ZBTB34: variants seen among roughly 807,000 people sequenced by gnomAD.
ZBTB34 encodes the protein zinc finger and BTB domain-containing protein 34.
In ZBTB34, 1 loss-of-function variant was observed where a neutral mutation model predicts 33.4. The ratio of observed to expected loss-of-function variants is 0.03; its 90% CI spans 0.01 to 0.14. The LOEUF is 0.14. Among genes scored for constraint, ZBTB34 ranks in the 10% least tolerant of loss-of-function variants. The pLI is 1.00. For missense variants in ZBTB34, 406 were observed against 657.2 expected (o/e 0.62, Z 4.18); for synonymous variants, 283 against 253.5 (o/e 1.12, Z -1.11).
intron 1 of ZBTB34, among the ~76,000 whole-genome samples, chr9:126,876,206 T>C (rs1188632389): frequency 0.023 from 14 of 622 alleles, no homozygotes; most frequent in South Asian, 0.17. Context: ...TTTCCCCCCC[T>C]TTCCCCCTTC....
At chr9:126,877,729 G>A (rs1473213715) in intron 1 of ZBTB34, among the ~76,000 whole-genome samples, 1 of 152,214 alleles carries the variant, frequency 6.6e-6, no homozygotes, top group African/African-American at 2.4e-5. Context: ...TCTTGGCAGA[G>A]CGCGGTGGCT....
intron 1 of ZBTB34, among the ~76,000 whole-genome samples, chr9:126,878,957 C>G (rs2033399220): frequency 6.6e-6 from 1 of 152,118 alleles, no homozygotes; most frequent in South Asian, 2.1e-4. Context: ...CTCCTGACCT[C>G]AAGTGATCCG....
chr9:126,877,373 C>T (rs1045534570), intron 1 of ZBTB34, among the ~76,000 whole-genome samples: 10 of 152,314 alleles, frequency 6.6e-5, no homozygotes, highest in Middle Eastern at 3.4e-3. Context: ...GAGTAAACTT[C>T]ACTCCTAAAC....
rs759407100 is a variant in ZBTB34 at position 126,880,250 on chromosome 9, A to G, written c.851A>G (p.Gln284Arg). The G allele has an allele frequency of 2.5e-6, 4 of 1,613,896 alleles. No homozygotes were observed. Among genetic ancestry groups the G allele is most frequent in the East Asian group, 4.5e-5 (2 of 44,868 alleles). ...GTGGGCTCCTATGGTTCTGTGCTCC[A>G]GCACGCATACTCCTATTCCCAAGCA... Residue 284 changes from glutamine (Q) to arginine (R), a missense_variant, in exon 2 of 2, where the codon CAG (glutamine) becomes CGG (arginine). Gln to Arg is a conservative substitution (Grantham distance 43, BLOSUM62 1). Transcript: ENST00000319119. This position sits in a 1 kb window ranked among gnomAD's most constrained non-coding sequence, Gnocchi z 6.7.
chr9:126,869,157 A>G (rs181011285), intron 1 of ZBTB34, among the ~76,000 whole-genome samples: 2 of 151,392 alleles, frequency 1.3e-5, no homozygotes, highest in African/African-American at 4.8e-5. Context: ...GCCCTTCTCT[A>G]TTCTGGGCAG....
At chr9:126,863,602 G>C in intron 1 of ZBTB34, 1 of 672,064 alleles carries the variant, frequency 1.5e-6, no homozygotes, top group East Asian at 1.3e-4. Flanking sequence ...CTGACAAACT[G>C]CTGAATTTAG....
At chr9:126,872,140 G>T (rs1251596863) in intron 1 of ZBTB34, among the ~76,000 whole-genome samples, 2 of 151,978 alleles carry the variant, frequency 1.3e-5, no homozygotes, top group East Asian at 3.9e-4. Flanking sequence ...CAGTAGAGAC[G>T]GGGTTTTGCC....
Position 126,879,355 on chromosome 9 carries a change from C to G in ZBTB34, c.-10-35C>G. The G allele has an allele frequency of 6.5e-7, 1 of 1,538,398 alleles. No individual in the cohort carries two copies. The highest frequency in any genetic ancestry group is 1.4e-5 in the African/African-American group (1 of 73,264). ...ATGCCACTTGTACTTAGTGAGGAGTCATTGGTGAATGATGCAAACTCTCTC... is the reference window on the plus strand; with the variant it reads ...ATGCCACTTGTACTTAGTGAGGAGTGATTGGTGAATGATGCAAACTCTCTC... On this transcript the variant is annotated intron_variant, in intron 1 of 1. Coordinates refer to ENST00000319119, the Ensembl canonical transcript of ZBTB34. This position sits in a 1 kb window ranked among gnomAD's most constrained non-coding sequence, Gnocchi z 6.4.
chr9:126,860,999 A>G (rs962548981), intron 1 of ZBTB34, among the ~76,000 whole-genome samples: 1 of 151,758 alleles, frequency 6.6e-6, no homozygotes, highest in African/African-American at 2.4e-5. Context: ...TCGGTCCTGG[A>G]GTCCCGGCGC....
chr9:126,865,004 A>G (rs2033182452), intron 1 of ZBTB34, among the ~76,000 whole-genome samples: 1 of 152,204 alleles, frequency 6.6e-6, no homozygotes, highest in African/African-American at 2.4e-5. Flanking sequence ...TGGGTTTGGA[A>G]TCATGAGCAT....
chr9:126,863,576 A>G (rs562673751), intron 1 of ZBTB34: 93 of 373,648 alleles, frequency 2.5e-4, no homozygotes, highest in African/African-American at 6.1e-4. Flanking sequence ...AATTGTGTCT[A>G]TTTAATGTTT....
chr9:126,874,462 A>T (rs1258483819), intron 1 of ZBTB34, among the ~76,000 whole-genome samples: 1 of 152,114 alleles, frequency 6.6e-6, no homozygotes, highest in East Asian at 1.9e-4. Context: ...TTTCTTCTGT[A>T]GTTACTACGT....
intron 1 of ZBTB34, among the ~76,000 whole-genome samples, chr9:126,868,082 G>A (rs1037255864): frequency 2.0e-5 from 3 of 152,268 alleles, no homozygotes; most frequent in African/African-American, 7.2e-5. Flanking sequence ...AGCCTCAGCC[G>A]TGAATGTGAC....
chr9:126,877,543 G>T (rs137876614), intron 1 of ZBTB34, among the ~76,000 whole-genome samples: 1 of 152,142 alleles, frequency 6.6e-6, no homozygotes, highest in Non-Finnish European at 1.5e-5. Flanking sequence ...ATGGAGCCGG[G>T]GCTATATATA....
Position 126,879,522 on chromosome 9 carries a change from C to A in ZBTB34, c.123C>A (p.His41Gln). 1 of 1,613,904 alleles carries A rather than the reference C, an allele frequency of 6.2e-7. No homozygotes were observed. The highest frequency in any genetic ancestry group is 8.5e-7 in the Non-Finnish European group (1 of 1,179,890). The change falls in exon 2 of 2, where the codon CAC becomes CAA. Residue 41 changes from histidine to glutamine, a missense_variant. His to Gln is a conservative substitution (Grantham distance 24). Transcript: ENST00000319119. This position sits in a 1 kb window ranked among gnomAD's most constrained non-coding sequence, Gnocchi z 6.4. ...GGAAACTATGTGACATCATTGTACA[C>A]ATTCAGGGTCAGCCATTCCGAGCCC...
exon 2 of ZBTB34, chr9:126,883,780 G>A (rs1463501263): frequency 3.0e-5 from 5 of 167,286 alleles, no homozygotes; most frequent in African/African-American, 1.2e-4. Flanking sequence ...CCAGCACGGA[G>A]CTGTGTAGCC....
intron 1 of ZBTB34, among the ~76,000 whole-genome samples, chr9:126,875,799 C>T (rs2033348617): frequency 6.6e-6 from 1 of 151,950 alleles, no homozygotes; most frequent in Admixed American, 6.6e-5. Context: ...GTTACTTTGG[C>T]TAGAAGTTCT....
intron 1 of ZBTB34, among the ~76,000 whole-genome samples, chr9:126,872,587 C>T (rs1280924547): frequency 6.6e-6 from 1 of 152,190 alleles, no homozygotes; most frequent in Non-Finnish European, 1.5e-5. Flanking sequence ...GTAAGAGGCT[C>T]TGACCTCCTC....
At chr9:126,874,036 CTTTTTTT>C (rs781115278) in intron 1 of ZBTB34, among the ~76,000 whole-genome samples, 1 of 66,034 alleles carries the variant, frequency 1.5e-5, no homozygotes, top group Non-Finnish European at 2.7e-5. Flanking sequence ...TGTGTATGTT[CTTTTTTT>C]TTTTTTTTTT....
Sources: allele counts gnomAD v4.1 joint callset (sites outside exome capture counted in the v4.1 genomes callset), GRCh38; gene constraint gnomAD v4.1.1; non-coding constraint Gnocchi (gnomAD v3.1); transcripts MANE v1.5; gene names NCBI Gene and HGNC (gene_info 2026-07-23, HGNC 2026-07-21).